The following CAPRIN1 variants were observed in gnomAD, a reference collection of about 807,000 sequenced individuals.
CAPRIN1 encodes cell cycle associated protein 1.
Under a neutral mutation model 100.9 loss-of-function variants are expected in CAPRIN1, and 29 were observed. The observed-to-expected ratio is 0.29, with a 90% CI of 0.21 to 0.39. The LOEUF (loss-of-function observed/expected upper bound fraction) is 0.39. Among genes scored for constraint, CAPRIN1 ranks in the 10% least tolerant of loss-of-function variants. The pLI, the probability that CAPRIN1 is intolerant of heterozygous loss-of-function variation, is 1.00. For synonymous variants in CAPRIN1, 338 were observed against 307.5 expected (o/e 1.10, Z -1.04); for missense variants, 795 against 876.7 (o/e 0.91, Z 1.18).
chr11:34,058,026 T>G (rs1406746756), intron 2 of CAPRIN1, among the ~76,000 whole-genome samples: 1 of 150,574 alleles, frequency 6.6e-6, no homozygotes, highest in Non-Finnish European at 1.5e-5. Flanking sequence ...GGCCTAAGAG[T>G]TTTTTTTTAG....
At chr11:34,080,780 G>A (rs761675518) in intron 7 of CAPRIN1, among the ~76,000 whole-genome samples, 2 of 152,162 alleles carry the variant, frequency 1.3e-5, no homozygotes, top group African/African-American at 2.4e-5. Flanking sequence ...CAGGTTCCCC[G>A]TTTAGAAAAT....
intron 2 of CAPRIN1, chr11:34,056,645 A>G (rs921963361): frequency 1.2e-4 from 19 of 152,296 alleles, no homozygotes; most frequent in Admixed American, 9.2e-4. Flanking sequence ...GCCCTAGGCT[A>G]TGCAAGATAT....
At chr11:34,065,731 T>C (rs1341227593) in intron 2 of CAPRIN1, among the ~76,000 whole-genome samples, 1 of 152,222 alleles carries the variant, frequency 6.6e-6, no homozygotes, top group East Asian at 1.9e-4. Context: ...AGGGAAAAAC[T>C]AGTGCCTTTT....
intron 9 of CAPRIN1, among the ~76,000 whole-genome samples, chr11:34,085,818 T>C (rs964837652): frequency 1.3e-5 from 2 of 151,416 alleles, no homozygotes; most frequent in African/African-American, 4.9e-5. Flanking sequence ...GAAAAAAAAA[T>C]AAATAAATAA....
At chr11:34,079,585 C>CT in intron 6 of CAPRIN1, 43 bp from the exon 7 acceptor site, 1 of 1,549,128 alleles carries the variant, frequency 6.5e-7, no homozygotes, top group African/African-American at 1.4e-5. Flanking sequence ...AGCCAGGCAT[C>CT]CTCAGATAAG....
chr11:34,089,909 T>C lies in CAPRIN1; in HGVS notation c.1294-270T>C, dbSNP rs540151562. The C allele has an allele frequency of 8.1e-4, 182 of 224,956 alleles. 1 individual carries two copies. The highest frequency in any genetic ancestry group is 4.2e-3 in the South Asian group (37 of 8,778). The allele number at this position is 224,956 out of a possible 1,614,324, so 13.9% of individuals were successfully genotyped here. A position where few individuals can be genotyped will look rare whatever the true frequency, so the allele number is the denominator to read the frequency against. Reference sequence around the variant, plus strand: ...ATAGTTTAGACATAATTCTAAAATTTAGTGCAGATTTCTCCATCTTAGAAG... The same window carrying C: ...ATAGTTTAGACATAATTCTAAAATTCAGTGCAGATTTCTCCATCTTAGAAG... On this transcript the variant is annotated intron_variant, in intron 12 of 18. Coordinates refer to ENST00000341394, the MANE Select transcript of CAPRIN1 (RefSeq NM_005898.5).
In CAPRIN1 at chr11:34,090,614, C is replaced by A; in HGVS notation, c.1490C>A (p.Thr497Lys). 6.2e-7 allele frequency: 1 copy of A among 1,614,138 alleles called. No individual in the cohort carries two copies. ...CAGCCTCAAGTATTTCAGGCTGGGACAAGCAAACCTTTACATAGCAGTGGA... is the reference window on the plus strand; with the variant it reads ...CAGCCTCAAGTATTTCAGGCTGGGAAAAGCAAACCTTTACATAGCAGTGGA... ...ASQPQVFQAGTSKPLHSSGIN... is the reference protein window; with the variant it reads ...ASQPQVFQAGKSKPLHSSGIN... The change falls in exon 14 of 19, where the codon ACA becomes AAA. Residue 497 changes from threonine to lysine, a missense_variant. Physicochemically the swap from Thr to Lys is moderately conservative, Grantham distance 78 (BLOSUM62 -1). Around this residue, in one of 3 missense-constraint regions of CAPRIN1, gnomAD observed 648 missense variants for 697.9 expected, o/e 0.93. Transcript: ENST00000341394.
At chr11:34,099,132 G>T (rs922135360) in intron 18 of CAPRIN1, 171 bp from the exon 19 acceptor site, 206 of 1,436,784 alleles carry the variant, frequency 1.4e-4, no homozygotes, top group Admixed American at 8.3e-5. Context: ...GCAAATTTGC[G>T]CATGACAACT....
In CAPRIN1 at chr11:34,102,001, T is replaced by G. The variant is rs567757938; in HGVS notation, c.*2634T>G. On this transcript the variant is annotated 3_prime_UTR_variant, in exon 19 of 19. Coordinates refer to ENST00000341394, the MANE Select transcript of CAPRIN1 (RefSeq NM_005898.5). ...ATTGATTACCTTGATTAGGGCAGTT[T>G]TATTTCCAGATCCTAATAATTCCTA... is the stretch of plus-strand genomic sequence containing the variant. 1.3e-5 allele frequency among the ~76,000 whole-genome samples: 2 copies of G among 152,354 alleles called. No homozygotes were observed. Among genetic ancestry groups the G allele is most frequent in the Admixed American group, 6.5e-5 (1 of 15,310 alleles).
chr11:34,091,223 C>T (rs1440546532), intron 14 of CAPRIN1, among the ~76,000 whole-genome samples: 4 of 152,096 alleles, frequency 2.6e-5, no homozygotes, highest in Non-Finnish European at 2.9e-5. Flanking sequence ...AATGAAAAAA[C>T]ATTCAACCCT....
At chr11:34,090,331 TACTC>T (rs768581691) in intron 13 of CAPRIN1, 42 bp downstream of exon 13, 347 of 1,356,396 alleles carry the variant, frequency 2.6e-4, no homozygotes, top group Non-Finnish European at 3.5e-4. Context: ...ATGAGGCACT[TACTC>T]ATGAATTGAA....
At chr11:34,096,709 T>C (rs757222785) in intron 16 of CAPRIN1, 36 bp downstream of exon 16, 2 of 1,489,944 alleles carry the variant, frequency 1.3e-6, no homozygotes, top group East Asian at 2.3e-5. Context: ...AATGACCTTT[T>C]ACTAGTTCAA....
intron 9 of CAPRIN1, among the ~76,000 whole-genome samples, chr11:34,083,912 A>G (rs1302822588): frequency 6.6e-6 from 1 of 152,010 alleles, no homozygotes; most frequent in Non-Finnish European, 1.5e-5. Context: ...TACTTCAAAA[A>G]CAAACAAAAA....
At chr11:34,093,202 A>C (rs61880385) in intron 15 of CAPRIN1, among the ~76,000 whole-genome samples, 1 of 149,582 alleles carries the variant, frequency 6.7e-6, no homozygotes, top group Admixed American at 6.6e-5. Context: ...TTTTATATAT[A>C]TATTTTTTTA....
Position 34,082,983 on chromosome 11 carries a change from C to T in CAPRIN1, c.908C>T (p.Thr303Ile). 1 of 1,614,054 alleles carries T rather than the reference C, an allele frequency of 6.2e-7. No individual in the cohort carries two copies. Among genetic ancestry groups the T allele is most frequent in the African/African-American group, 1.3e-5 (1 of 75,050 alleles). Residue 303 changes from threonine (T) to isoleucine (I), a missense_variant, in exon 9 of 19, where the codon ACA becomes ATA. By Grantham distance (89) the Thr-to-Ile change is moderately conservative. Around this residue, in one of 3 missense-constraint regions of CAPRIN1, gnomAD observed 648 missense variants for 697.9 expected, o/e 0.93. Transcript: ENST00000341394. ...EYVNRQFMAETQFTSGEKEQV... is the reference protein window; with the variant it reads ...EYVNRQFMAEIQFTSGEKEQV... ...GTAAATAGACAGTTCATGGCAGAAA[C>T]ACAGTTCACCAGTGGTGAAAAGGAG... is the stretch of plus-strand genomic sequence containing the variant.
intron 2 of CAPRIN1, among the ~76,000 whole-genome samples, chr11:34,058,311 A>G (rs997234060): frequency 2.6e-5 from 4 of 151,902 alleles, no homozygotes; most frequent in Non-Finnish European, 4.4e-5. Context: ...TAATTTTTGT[A>G]TTTTTAGTAG....
At chr11:34,098,730 A>T in intron 18 of CAPRIN1, 1 of 985,414 alleles carries the variant, frequency 1.0e-6, no homozygotes, top group South Asian at 4.7e-5. Flanking sequence ...AGCATATTCG[A>T]TGAAAGTTGA....
chr11:34,054,117 T>C (rs1850396079), intron 2 of CAPRIN1, among the ~76,000 whole-genome samples: 2 of 152,214 alleles, frequency 1.3e-5, no homozygotes, highest in African/African-American at 4.8e-5. Context: ...TACTTATATA[T>C]TTTACATTTT....
intron 1 of CAPRIN1, 98 bp from the exon 2 acceptor site, chr11:34,052,323 C>A: frequency 9.8e-7 from 1 of 1,019,526 alleles, no homozygotes; most frequent in Non-Finnish European, 1.5e-6. Context: ...GGCTACCGCT[C>A]GCTGCGCGTT....
Sources: allele counts gnomAD v4.1 joint callset (sites outside exome capture counted in the v4.1 genomes callset), GRCh38; gene constraint gnomAD v4.1.1; regional missense constraint gnomAD v4.1.1; transcripts MANE v1.5; gene names NCBI Gene and HGNC (gene_info 2026-07-23, HGNC 2026-07-21).